OR51B5: variants seen among roughly 807,000 people sequenced by gnomAD.
The protein encoded by OR51B5 is olfactory receptor family 51 subfamily B member 5, also known as olfactory receptor 51B5.
For missense variants in OR51B5, 456 were observed against 374.6 expected, an observed-to-expected ratio of 1.22 and a Z score of -1.79; for synonymous variants, 186 against 144.8, an observed-to-expected ratio of 1.28 and a Z score of -2.04.
chr11:5,409,276 G>A (rs1197132472), intron 1 of OR51B5, among the ~76,000 whole-genome samples: 1 of 152,050 alleles, frequency 6.6e-6, no homozygotes, highest in African/African-American at 2.4e-5. Context: ...TCTTTCCCTG[G>A]AGGCATATGT....
At chr11:5,494,497 G>C (rs1851621530) in intron 1 of OR51B5, among the ~76,000 whole-genome samples, 1 of 152,162 alleles carries the variant, frequency 6.6e-6, no homozygotes, top group African/African-American at 2.4e-5. Context: ...TGGAGGAGCT[G>C]ACATCTTCTG....
At chr11:5,430,737 A>G (rs182696023) in intron 1 of OR51B5, 1 of 457,010 alleles carries the variant, frequency 2.2e-6, no homozygotes, top group Admixed American at 2.3e-5. Context: ...TGATGGGATT[A>G]AGTACAGGTG....
At chr11:5,455,568 A>AGAGAGAGAGAGAAAGAGAGAGAGAGAG (rs531763892) in intron 1 of OR51B5, 11 of 135,312 alleles carry the variant, frequency 8.1e-5, no homozygotes, top group South Asian at 2.4e-4. Context: ...AAGGGGGGAG[A>AGAGAGAGAGAGAAAGAGAGAGAGAGAG]GAGAGAGAGA....
intron 1 of OR51B5, among the ~76,000 whole-genome samples, chr11:5,477,744 G>A (rs537322627): frequency 1.1e-4 from 16 of 152,272 alleles, no homozygotes; most frequent in African/African-American, 3.9e-4. Flanking sequence ...TCAAAGAAAG[G>A]GGTGACGGAC....
upstream of OR51B5, among the ~76,000 whole-genome samples, chr11:5,344,362 G>A (rs1353140481): frequency 6.6e-6 from 1 of 151,892 alleles, no homozygotes; most frequent in Non-Finnish European, 1.5e-5. Context: ...TTTTTCTATA[G>A]GCCTACTGAA....
upstream of OR51B5, chr11:5,346,501 A>G (rs913278025): frequency 1.3e-5 from 2 of 152,218 alleles, no homozygotes; most frequent in Non-Finnish European, 2.9e-5. Flanking sequence ...ATTTACAGCC[A>G]TAATTTTTCT....
intron 1 of OR51B5, among the ~76,000 whole-genome samples, chr11:5,494,700 T>C: frequency 6.6e-6 from 1 of 152,234 alleles, no homozygotes. Context: ...AGACTGTGTT[T>C]CATCATGTAT....
rs750405873 is a variant in OR51B5, at chr11:5,422,913, G to T, written n.85-76003C>A. 4 of 1,613,966 alleles carry T rather than the reference G, an allele frequency of 2.5e-6. No homozygotes were observed. In the South Asian group the frequency reaches 4.4e-5, roughly 18 times the overall value. ...ACAGCCACCTGGGCTGAGCGACTCC[G>T]TGCCCTCAATAACTGCCTGTCCCAC... On this transcript the variant is annotated intron_variant and non_coding_transcript_variant, in intron 1 of 4. Coordinates refer to the OR51B5 transcript ENST00000415970.
chr11:5,456,486 T>G (rs1850963137), intron 1 of OR51B5: 1 of 152,158 alleles, frequency 6.6e-6, no homozygotes. Context: ...TTTAACTTCT[T>G]TTTATTTAAC....
At chr11:5,423,277 T>C (rs2133762252) in intron 1 of OR51B5, 1 of 1,283,718 alleles carries the variant, frequency 7.8e-7, no homozygotes. Context: ...GACAAGTCCC[T>C]GGCTTTTAGC....
At chr11:5,357,201 AC>A (rs1358860737) in intron 1 of OR51B5, among the ~76,000 whole-genome samples, 14 of 152,252 alleles carry the variant, frequency 9.2e-5, no homozygotes, top group African/African-American at 2.9e-4. Flanking sequence ...AAGAGTCAAG[AC>A]CCATCAGTGT....
intron 1 of OR51B5, among the ~76,000 whole-genome samples, chr11:5,377,628 C>T (rs1377532580): frequency 1.8e-4 from 28 of 151,998 alleles, no homozygotes; most frequent in African/African-American, 6.3e-4. Flanking sequence ...GGATACAAAA[C>T]CAATGTGCAA....
chr11:5,372,398 A>C (rs1362790599), intron 1 of OR51B5, among the ~76,000 whole-genome samples: 1 of 152,148 alleles, frequency 6.6e-6, no homozygotes, highest in African/African-American at 2.4e-5. Context: ...TATGCACAAG[A>C]GTTCTCCTTT....
Position 5,404,264 on chromosome 11 carries a change from A to C in OR51B5, n.85-57354T>G, listed in dbSNP as rs202179031. Among the ~76,000 whole-genome samples the C allele has an allele frequency of 1.3e-4, 20 of 152,254 alleles. No individual in the cohort carries two copies. The East Asian group carries it at 2.3e-3, about 18-fold the overall frequency. ...TCTCTGTGTCTAGCTAAAGGTTTGT[A>C]AACACACCAATCAGCACTCTGTGTC... On this transcript the variant is annotated intron_variant and non_coding_transcript_variant, in intron 1 of 4. Transcript: ENST00000415970.
intron 1 of OR51B5, among the ~76,000 whole-genome samples, chr11:5,416,539 G>C (rs1850246279): frequency 6.6e-6 from 1 of 151,572 alleles, no homozygotes; most frequent in Admixed American, 6.6e-5. Context: ...CATTGTCTCA[G>C]CCCAAAATCT....
upstream of OR51B5, among the ~76,000 whole-genome samples, chr11:5,343,867 T>A (rs1848948050): frequency 2.0e-5 from 3 of 152,248 alleles, no homozygotes. Flanking sequence ...AGAATTCGTA[T>A]TCTATGGGGC....
At chr11:5,389,451 C>T (rs527398159) in intron 1 of OR51B5, 1 of 1,613,886 alleles carries the variant, frequency 6.2e-7, no homozygotes, top group Non-Finnish European at 8.5e-7. Context: ...TCCAACATTA[C>T]TCAGTTTAGC....
intron 1 of OR51B5, among the ~76,000 whole-genome samples, chr11:5,396,980 C>T (rs1470428620): frequency 6.6e-6 from 1 of 152,172 alleles, no homozygotes; most frequent in Non-Finnish European, 1.5e-5. Context: ...ATAAATGGTG[C>T]TGGGAAAACT....
intron 1 of OR51B5, among the ~76,000 whole-genome samples, chr11:5,387,907 T>C (rs1255258561): frequency 6.6e-6 from 1 of 152,130 alleles, no homozygotes; most frequent in East Asian, 1.9e-4. Context: ...AGTATGTATG[T>C]ATGTGTTTAT....
Sources: allele counts gnomAD v4.1 joint callset (sites outside exome capture counted in the v4.1 genomes callset), GRCh38; gene constraint gnomAD v4.1.1; transcripts MANE v1.5; gene names NCBI Gene and HGNC (gene_info 2026-07-23, HGNC 2026-07-21).